The following HTR4 variants were observed in gnomAD, a reference collection of about 807,000 sequenced individuals.
HTR4 encodes 5-hydroxytryptamine (serotonin) receptor 4, G protein-coupled.
HTR4 carries 16 observed loss-of-function variants against 36.8 expected under a neutral mutation model. The ratio of observed to expected loss-of-function variants is 0.43; its 90% confidence interval spans 0.29 to 0.66. The LOEUF is 0.66. HTR4 is among the 30% of genes least tolerant of loss of function. HTR4 has a pLI of 0.13. For synonymous variants in HTR4, 189 were observed against 185.1 expected (o/e 1.02, Z -0.17); for missense variants, 438 against 490.9 (o/e 0.89, Z 1.02).
chr5:148,599,987 T>C (rs1240123610), intron 2 of HTR4, among the ~76,000 whole-genome samples: 2 of 151,660 alleles, frequency 1.3e-5, no homozygotes, highest in Non-Finnish European at 2.9e-5. Context: ...AATTGGAATG[T>C]ACTTCTAACA....
intron 2 of HTR4, among the ~76,000 whole-genome samples, chr5:148,556,485 T>G (rs1226686670): frequency 6.6e-6 from 1 of 152,204 alleles, no homozygotes; most frequent in Non-Finnish European, 1.5e-5. Context: ...GAGTGCCAAC[T>G]ATATACCAAG....
At chr5:148,596,234 A>G (rs929593062) in intron 2 of HTR4, among the ~76,000 whole-genome samples, 39 of 152,318 alleles carry the variant, frequency 2.6e-4, no homozygotes, top group Admixed American at 2.6e-3. Context: ...ATATCTTACT[A>G]CTAGTCTCTG....
intron 1 of HTR4, among the ~76,000 whole-genome samples, chr5:148,644,244 G>T (rs1753808751): frequency 6.6e-6 from 1 of 152,068 alleles, no homozygotes; most frequent in Non-Finnish European, 1.5e-5. Context: ...GGTATCTAGA[G>T]CATTAAGTAC....
intron 6 of HTR4, among the ~76,000 whole-genome samples, chr5:148,503,461 C>G (rs896334291): frequency 2.0e-5 from 3 of 152,118 alleles, no homozygotes; most frequent in African/African-American, 7.2e-5. Context: ...TTGTCACCAC[C>G]AGGCCAGCCC....
intron 2 of HTR4, among the ~76,000 whole-genome samples, chr5:148,555,970 A>ACACACACT (rs1554095210): frequency 3.5e-4 from 51 of 146,532 alleles, no homozygotes; most frequent in East Asian, 1.3e-3. Context: ...ACACACACAC[A>ACACACACT]CTCTCTCTCT....
chr5:148,460,970 G>A lies in HTR4; in HGVS notation c.1077-9698C>T, dbSNP rs76221848. ...GAAATGAATGACAGCAATGAAATAA[G>A]GGATGAGAAGAGGAATTATGATTAT... On this transcript the variant is annotated intron_variant, in intron 5 of 5. Coordinates refer to the HTR4 transcript ENST00000521530. Among the ~76,000 whole-genome samples, 322 of 152,066 alleles carry A rather than the reference G, an allele frequency of 2.1e-3. 1 individual carries two copies. The highest frequency in any genetic ancestry group is 7.4e-3 in the African/African-American group (307 of 41,544).
intron 4 of HTR4, 22 bp downstream of exon 4, chr5:148,548,646 A>G (rs201496638): frequency 2.5e-6 from 4 of 1,570,750 alleles, no homozygotes; most frequent in Non-Finnish European, 3.5e-6. Flanking sequence ...GAGCTCCGCT[A>G]TGCACATTGT....
intron 1 of HTR4, among the ~76,000 whole-genome samples, chr5:148,639,543 C>A (rs545961194): frequency 1.3e-5 from 2 of 151,206 alleles, no homozygotes; most frequent in South Asian, 4.2e-4. Context: ...CTTCTCTCAA[C>A]ACCTAACTAC....
At chr5:148,478,997 C>T (rs914472597), downstream of HTR4, among the ~76,000 whole-genome samples, 1 of 151,962 alleles carries the variant, frequency 6.6e-6, no homozygotes, top group Admixed American at 6.6e-5. Flanking sequence ...CGTGACATGC[C>T]CCCTCCAGTT....
intron 2 of HTR4, among the ~76,000 whole-genome samples, chr5:148,635,463 A>G (rs182551374): frequency 8.1e-4 from 123 of 152,262 alleles, no homozygotes; most frequent in African/African-American, 2.8e-3. Flanking sequence ...GCGTGATATC[A>G]TCTTGTATCC....
rs1368187593 is a variant in HTR4 at position 148,527,439 on chromosome 5, C to A, written c.354-4093G>T. Among the ~76,000 whole-genome samples, 3 of 152,136 alleles carry A rather than the reference C, an allele frequency of 2.0e-5. 1 individual carries two copies. Among genetic ancestry groups the A allele is most frequent in the African/African-American group, 7.2e-5 (3 of 41,424 alleles). Reference sequence around the variant, plus strand: ...CAGTTTCCCTTGACATAATGATCATCCCATGAACAATAATATTGCCCTACA... The same window carrying A: ...CAGTTTCCCTTGACATAATGATCATACCATGAACAATAATATTGCCCTACA... On this transcript the variant is annotated intron_variant, in intron 4 of 6. Coordinates refer to ENST00000377888, the MANE Select transcript of HTR4 (RefSeq NM_000870.7).
At chr5:148,584,771 G>GA (rs1222753428) in intron 2 of HTR4, among the ~76,000 whole-genome samples, 1 of 152,178 alleles carries the variant, frequency 6.6e-6, no homozygotes, top group East Asian at 1.9e-4. Context: ...AGCATTTGGG[G>GA]AAGACTTGTT....
intron 2 of HTR4, among the ~76,000 whole-genome samples, chr5:148,586,258 G>C (rs1043179476): frequency 6.6e-6 from 1 of 152,078 alleles, no homozygotes; most frequent in African/African-American, 2.4e-5. Flanking sequence ...GATGCTGTTA[G>C]CTCTAGAATT....
Position 148,504,727 on chromosome 5 carries a change from CA to C in HTR4, c.1076+4728del, listed in dbSNP as rs200648236. Among the ~76,000 whole-genome samples the C allele has an allele frequency of 1.6e-4, 24 of 152,022 alleles. No homozygotes were observed. The East Asian group carries it at 4.3e-3, about 27-fold the overall frequency. On this transcript the variant is annotated intron_variant, in intron 6 of 6. Transcript: ENST00000377888. ...GGAGCTGGTTTTTTGAAAAGATCAA[CA>C]AAATTGATAGACCGCTAGCAAGACT... is the stretch of plus-strand genomic sequence containing the variant.
chr5:148,456,485 T>C (rs1755105037), intron 5 of HTR4, among the ~76,000 whole-genome samples: 1 of 152,154 alleles, frequency 6.6e-6, no homozygotes, highest in African/African-American at 2.4e-5. Flanking sequence ...AAGCACAGGG[T>C]ACTGCAGGCA....
Position 148,585,686 on chromosome 5 carries a change from G to T in HTR4, c.27-35424C>A, listed in dbSNP as rs1214307740. Among the ~76,000 whole-genome samples the T allele has an allele frequency of 2.0e-5, 3 of 152,192 alleles. No homozygotes were observed. The East Asian group carries it at 5.8e-4, about 29-fold the overall frequency. On this transcript the variant is annotated intron_variant, in intron 2 of 6. Transcript: ENST00000377888. ...ACAGCAGTTAATGGCAGATGTTGGA[G>T]TAAAATTCAAGCCTCTTGACTCCTA...
chr5:148,596,296 A>G (rs1228315020), intron 2 of HTR4, among the ~76,000 whole-genome samples: 9 of 152,152 alleles, frequency 5.9e-5, no homozygotes, highest in African/African-American at 1.9e-4. Flanking sequence ...AATTATCACT[A>G]CCTCACTAAT....
intron 2 of HTR4, among the ~76,000 whole-genome samples, chr5:148,552,063 A>C (rs1481672870): frequency 6.6e-6 from 1 of 152,156 alleles, no homozygotes. Flanking sequence ...ATTAAGGTGC[A>C]TGCCCTCTCC....
At chr5:148,495,873 C>T (rs1480619662) in intron 6 of HTR4, among the ~76,000 whole-genome samples, 4 of 152,044 alleles carry the variant, frequency 2.6e-5, no homozygotes, top group African/African-American at 2.4e-5. Context: ...GAGGCTGAGG[C>T]GGGTGAATCA....
Sources: gnomAD v4.1 joint callset for allele counts (sites outside exome capture counted in the v4.1 genomes callset) on GRCh38, gnomAD v4.1.1 for gene constraint, MANE v1.5 for transcripts, NCBI Gene and HGNC (gene_info 2026-07-23, HGNC 2026-07-21) for gene names.